Variants in ADGRB2 observed in about 807,000 individuals in gnomAD.
ADGRB2 encodes the protein adhesion G protein-coupled receptor B2.
ADGRB2 carries 47 observed loss-of-function variants against 178.7 expected under a neutral mutation model. The ratio of observed to expected loss-of-function variants is 0.26; its 90% CI spans 0.21 to 0.34. The LOEUF (loss-of-function observed/expected upper bound fraction) is 0.34, where lower values mean the gene tolerates loss of function less well. Ranked by LOEUF, ADGRB2 falls within the 10% of genes least tolerant of loss-of-function variation. The pLI is 1.00. For synonymous variants in ADGRB2, 870 were observed against 912.4 expected (o/e 0.95, Z 0.84); for missense variants, 1,584 against 2,180.8 (o/e 0.73, Z 5.45).
In ADGRB2 at chr1:31,735,965, G is replaced by A; in HGVS notation, c.3201-72C>T. On this transcript the variant is annotated intron_variant, in intron 22 of 32. Transcript: ENST00000373658. The surrounding 1 kb of genome is among the most constrained non-coding windows in gnomAD (Gnocchi z 6.0). Reference sequence around the variant, plus strand: ...CCCCACCCTCAAACACCATCCCTCAGTCCTCCCAGGCTGCCATGCCCGCAT... The same window carrying A: ...CCCCACCCTCAAACACCATCCCTCAATCCTCCCAGGCTGCCATGCCCGCAT... 2.8e-6 allele frequency: 4 copies of A among 1,440,524 alleles called. No homozygotes were observed. Among genetic ancestry groups the A allele is most frequent in the Non-Finnish European group, 3.8e-6 (4 of 1,063,198 alleles). The allele number at this position is 1,440,524 out of a possible 1,614,324, so 89.2% of individuals were successfully genotyped here.
Position 31,735,462 on chromosome 1 carries a change from G to A in ADGRB2, c.3353+118C>T. On this transcript the variant is annotated intron_variant, in intron 24 of 32. Coordinates refer to ENST00000373658, the MANE Select transcript of ADGRB2 (RefSeq NM_001364857.2). This position sits in a 1 kb window ranked among gnomAD's most constrained non-coding sequence, Gnocchi z 6.0. Reference sequence around the variant, plus strand: ...TGCCCACCTTGCCTGCAACCTTGATGCACCAAGGTTGGGGAGCCCCGGTCG... The same window carrying A: ...TGCCCACCTTGCCTGCAACCTTGATACACCAAGGTTGGGGAGCCCCGGTCG... 1 of 1,371,278 alleles carries A rather than the reference G, an allele frequency of 7.3e-7. No homozygotes were observed. Among genetic ancestry groups the A allele is most frequent in the Non-Finnish European group, 1.0e-6 (1 of 982,558 alleles). The allele number at this position is 1,371,278 out of a possible 1,614,324, so 84.9% of individuals were successfully genotyped here.
At chr1:31,743,114 A>G (rs951953339) in intron 6 of ADGRB2, 112 bp from the exon 7 acceptor site, 1 of 1,223,466 alleles carries the variant, frequency 8.2e-7, no homozygotes, top group Non-Finnish European at 1.1e-6. Context: ...GCTGCTCCTC[A>G]TTGGCTCTGC....
In ADGRB2 at chr1:31,740,216, C is replaced by A. The variant is rs775358581; in HGVS notation, c.1990-38G>T. On this transcript the variant is annotated intron_variant, in intron 12 of 32. Transcript: ENST00000373658. The surrounding 1 kb of genome is among the most constrained non-coding windows in gnomAD (Gnocchi z 5.9). Reference sequence around the variant, plus strand: ...CAATGAGTGGCAGGGGGTCCTAGCCCCAGGGAACAGGGGGCTTCCCCCACT... The same window carrying A: ...CAATGAGTGGCAGGGGGTCCTAGCCACAGGGAACAGGGGGCTTCCCCCACT... 2 of 1,613,174 alleles carry A rather than the reference C, an allele frequency of 1.2e-6. No homozygotes were observed. Among genetic ancestry groups the A allele is most frequent in the African/African-American group, 2.7e-5 (2 of 75,030 alleles).
At chr1:31,762,213 G>C (rs1417868239) in intron 1 of ADGRB2, among the ~76,000 whole-genome samples, 1 of 152,120 alleles carries the variant, frequency 6.6e-6, no homozygotes, top group Non-Finnish European at 1.5e-5. Context: ...GGAAGGAGGA[G>C]AGAGGGAAGA....
At chr1:31,743,059 G>T (rs1295853752) in intron 6 of ADGRB2, 57 bp from the exon 7 acceptor site, 10 of 1,347,532 alleles carry the variant, frequency 7.4e-6, no homozygotes, top group Non-Finnish European at 8.6e-6. Flanking sequence ...CCCACCACCG[G>T]CGCCTGCCCA....
In ADGRB2 at chr1:31,727,640, C is replaced by A; in HGVS notation, c.4573-35G>T. On this transcript the variant is annotated intron_variant, in intron 32 of 32. Transcript: ENST00000373658. The surrounding 1 kb of genome is among the most constrained non-coding windows in gnomAD (Gnocchi z 4.4). ...GAGCGGGAGGGGCCGTGGAGATGGGCCAATATCCTTACCCATTGTACAGAC... is the reference window on the plus strand; with the variant it reads ...GAGCGGGAGGGGCCGTGGAGATGGGACAATATCCTTACCCATTGTACAGAC... 6.8e-7 allele frequency: 1 copy of A among 1,463,028 alleles called. No individual in the cohort carries two copies. The highest frequency in any genetic ancestry group is 9.0e-7 in the Non-Finnish European group (1 of 1,111,710). The allele number at this position is 1,463,028 out of a possible 1,614,324, so 90.6% of individuals were successfully genotyped here. A position where few individuals can be genotyped will look rare whatever the true frequency, so the allele number is the denominator to read the frequency against.
In ADGRB2 at chr1:31,756,958, G is replaced by A; in HGVS notation, c.22-143C>T. On this transcript the variant is annotated intron_variant, in intron 3 of 32. Coordinates refer to ENST00000373658, the MANE Select transcript of ADGRB2 (RefSeq NM_001364857.2). This position sits in a 1 kb window ranked among gnomAD's most constrained non-coding sequence, Gnocchi z 8.5. ...ACCTGGGTCCACCTGTGTGAACTTA[G>A]ACAAGGGACTTGACCTCTCTGAGCC... 9.1e-7 allele frequency: 1 copy of A among 1,095,220 alleles called. No homozygotes were observed. The highest frequency in any genetic ancestry group is 2.8e-5 in the Admixed American group (1 of 35,440). The allele number at this position is 1,095,220 out of a possible 1,614,324, so 67.8% of individuals were successfully genotyped here. A position where few individuals can be genotyped will look rare whatever the true frequency, so the allele number is the denominator to read the frequency against.
intron 6 of ADGRB2, chr1:31,743,342 AC>A: frequency 8.2e-6 from 2 of 244,334 alleles, no homozygotes; most frequent in Non-Finnish European, 1.6e-5. Flanking sequence ...ACGCCATTCC[AC>A]CCCTCCCCAT....
intron 6 of ADGRB2, among the ~76,000 whole-genome samples, chr1:31,743,295 G>A (rs1482402876): frequency 6.6e-6 from 1 of 152,006 alleles, no homozygotes; most frequent in Non-Finnish European, 1.5e-5. Flanking sequence ...CTCCTCTCCT[G>A]AGGGCACAGG....
chr1:31,740,622 C>G lies in ADGRB2; in HGVS notation c.1795-81G>C. ...CTGGCCCATCCCACTCCAGTCCACC[C>G]ACTGCTTGCATCCACGGGGAGAGAA... On this transcript the variant is annotated intron_variant, in intron 11 of 32. Transcript: ENST00000373658. The surrounding 1 kb of genome is among the most constrained non-coding windows in gnomAD (Gnocchi z 5.9). The G allele has an allele frequency of 7.1e-7, 1 of 1,400,670 alleles. No homozygotes were observed. The highest frequency in any genetic ancestry group is 2.7e-5 in the Admixed American group (1 of 37,410). The allele number at this position is 1,400,670 out of a possible 1,614,324, so 86.8% of individuals were successfully genotyped here. A position where few individuals can be genotyped will look rare whatever the true frequency, so the allele number is the denominator to read the frequency against.
intron 4 of ADGRB2, among the ~76,000 whole-genome samples, chr1:31,748,342 A>T (rs1257025952): frequency 6.6e-6 from 1 of 152,150 alleles, no homozygotes; most frequent in South Asian, 2.1e-4. Flanking sequence ...CAGGCCCTAC[A>T]CTGCCTGCCT....
At chr1:31,737,126 A>ACT (rs913829902) in intron 20 of ADGRB2, among the ~76,000 whole-genome samples, 13 of 152,144 alleles carry the variant, frequency 8.5e-5, no homozygotes, top group African/African-American at 2.9e-4. Context: ...AGGAGGCCTC[A>ACT]CTCAGGCTTC....
In ADGRB2 at chr1:31,756,066, G is replaced by T. The variant is rs750352705; in HGVS notation, c.771C>A (p.Ala257=). The part of the protein sequence containing the change: ...LSNALVPGGP[A]PPAEADLHSG... The stretch of plus-strand genomic sequence containing the variant: ...AGTGCAAATCGGCCTCAGCAGGTGG[G>T]GCTGGGCCCCCGGGCACCAGGGCAT... The change falls in exon 4 of 33, where the codon GCC becomes GCA. Residue 257 remains alanine, a synonymous_variant. Coordinates refer to ENST00000373658, the MANE Select transcript of ADGRB2 (RefSeq NM_001364857.2). The surrounding 1 kb of genome is among the most constrained non-coding windows in gnomAD (Gnocchi z 8.5). 6.2e-7 allele frequency: 1 copy of T among 1,614,104 alleles called. No individual in the cohort carries two copies. Among genetic ancestry groups the T allele is most frequent in the Non-Finnish European group, 8.5e-7 (1 of 1,180,012 alleles).
At chr1:31,749,428 G>A (rs984493176) in intron 4 of ADGRB2, among the ~76,000 whole-genome samples, 1 of 152,252 alleles carries the variant, frequency 6.6e-6, no homozygotes, top group African/African-American at 2.4e-5. Flanking sequence ...AGATTCTAGA[G>A]CCAGACACAT....
chr1:31,733,140 G>C lies in ADGRB2; in HGVS notation c.3456C>G (p.Ala1152=). 6.3e-7 allele frequency: 1 copy of C among 1,576,906 alleles called. No individual in the cohort carries two copies. The highest frequency in any genetic ancestry group is 1.8e-4 in the Middle Eastern group (1 of 5,436). The change falls in exon 26 of 33, where the codon GCC becomes GCG. Residue 1152 remains alanine (A), a synonymous_variant. Transcript: ENST00000373658. The surrounding 1 kb of genome is among the most constrained non-coding windows in gnomAD (Gnocchi z 4.3). ...LSSASARNAM[A]SLWSSCVVLP... is the part of the protein sequence containing the mutation. Reference sequence around the variant, plus strand: ...GCACCACGCAGGAGCTCCAGAGTGAGGCCCTGAGGGGACAGTGGCAGAGCC... The same window carrying C: ...GCACCACGCAGGAGCTCCAGAGTGACGCCCTGAGGGGACAGTGGCAGAGCC...
rs369153113 is a variant in ADGRB2 at position 31,740,451 on chromosome 1, G to A, written c.1885C>T (p.Arg629Cys). The A allele has an allele frequency of 1.2e-6, 2 of 1,613,758 alleles. No individual in the cohort carries two copies. The highest frequency in any genetic ancestry group is 1.7e-6 in the Non-Finnish European group (2 of 1,179,936). ...AGCAGGTCCCCACTATAGTAGGTGC[G>A]CCGGGCCAGTAGCTCCTGCAGGCTG... The part of the protein sequence containing the change: ...VRSLQELLAR[R>C]TYYSGDLLFS... The change falls in exon 12 of 33, where the codon CGC (arginine) becomes TGC (cysteine). Residue 629 changes from arginine to cysteine, a missense_variant. Around this residue, in one of 3 missense-constraint regions of ADGRB2, gnomAD observed 62 missense variants for 140.3 expected, o/e 0.44. Coordinates refer to ENST00000373658, the MANE Select transcript of ADGRB2 (RefSeq NM_001364857.2). This position sits in a 1 kb window ranked among gnomAD's most constrained non-coding sequence, Gnocchi z 5.9.
At position 31,756,328 on chromosome 1, in the gene ADGRB2, G is replaced by C. The variant is rs559259878; in HGVS notation, c.509C>G (p.Pro170Arg). The change falls in exon 4 of 33, where the codon CCG becomes CGG. Residue 170 changes from proline (P) to arginine (R), a missense_variant. Physicochemically the swap from Pro to Arg is moderately radical, Grantham distance 103 (BLOSUM62 -2). Coordinates refer to ENST00000373658, the MANE Select transcript of ADGRB2 (RefSeq NM_001364857.2). The surrounding 1 kb of genome is among the most constrained non-coding windows in gnomAD (Gnocchi z 8.5). ...TAGGGCAGCGGGCGCCAGCAGGCGC[G>C]GGGCCTCGGAGGGCTCAGCCGACAG... ...LCLSAEPSEA[P>R]RLLAPAALAF... is the part of the protein sequence containing the mutation. The C allele has an allele frequency of 7.4e-6, 12 of 1,612,784 alleles. No individual in the cohort carries two copies. The highest frequency in any genetic ancestry group is 5.5e-5 in the South Asian group (5 of 91,086).
intron 25 of ADGRB2, among the ~76,000 whole-genome samples, chr1:31,734,219 C>T (rs1413076248): frequency 6.6e-6 from 1 of 152,228 alleles, no homozygotes; most frequent in Admixed American, 6.5e-5. Flanking sequence ...CAATTCTCTA[C>T]CAGGCCCTAC....
At position 31,741,407 on chromosome 1, in the gene ADGRB2, C is replaced by T; in HGVS notation, c.1760G>A (p.Cys587Tyr). ...AYWGLPSFARCISHEYRYLYL... is the reference protein window; with the variant it reads ...AYWGLPSFARYISHEYRYLYL... ...CAGGTAGCGGTACTCATGGGAGATG[C>T]AGCGAGCAAAGCTGGGCAGCCCCCA... Residue 587 changes from cysteine (C) to tyrosine (Y), a missense_variant, in exon 11 of 33, where the codon TGC (cysteine) becomes TAC (tyrosine). By Grantham distance (194) the Cys-to-Tyr change is radical. Coordinates refer to ENST00000373658, the MANE Select transcript of ADGRB2 (RefSeq NM_001364857.2). This position sits in a 1 kb window ranked among gnomAD's most constrained non-coding sequence, Gnocchi z 6.5. The T allele has an allele frequency of 6.2e-7, 1 of 1,606,888 alleles. No homozygotes were observed. The highest frequency in any genetic ancestry group is 8.5e-7 in the Non-Finnish European group (1 of 1,176,968).
Sources: allele counts gnomAD v4.1 joint callset (sites outside exome capture counted in the v4.1 genomes callset), GRCh38; gene constraint gnomAD v4.1.1; regional missense constraint gnomAD v4.1.1; non-coding constraint Gnocchi (gnomAD v3.1); transcripts MANE v1.5; gene names NCBI Gene and HGNC (gene_info 2026-07-23, HGNC 2026-07-21).